The following ITGA2 variants were observed in gnomAD, a reference collection of about 807,000 sequenced individuals.
The protein encoded by ITGA2 is integrin alpha-2.
ITGA2 carries 101 observed loss-of-function variants against 146.3 expected under a neutral mutation model. The observed-to-expected ratio is 0.69, with a 90% confidence interval of 0.59 to 0.81. The LOEUF is 0.81. Ranked by LOEUF, ITGA2 falls within the 40% of genes least tolerant of loss-of-function variation. The pLI is 0.00. For missense variants in ITGA2, 1,281 were observed against 1,402.7 expected (o/e 0.91, Z 1.39); for synonymous variants, 477 against 487.1 (o/e 0.98, Z 0.27).
In ITGA2 at chr5:53,090,532, A is replaced by G; in HGVS notation, c.3479A>G (p.Lys1160Arg). 1 of 1,614,056 alleles carries G rather than the reference A, an allele frequency of 6.2e-7. No individual in the cohort carries two copies. Among genetic ancestry groups the G allele is most frequent in the Non-Finnish European group, 8.5e-7 (1 of 1,179,950 alleles). ...TCACCTTTACAGCTCGGCTTCTTCA[A>G]AAGAAAATATGAAAAGATGACCAAA... Reference protein sequence around the residue: ...VAILWKLGFFKRKYEKMTKNP... With the variant: ...VAILWKLGFFRRKYEKMTKNP... Residue 1160 changes from lysine (K) to arginine (R), a missense_variant, in exon 30 of 30, where the codon AAA becomes AGA. Around this residue, in one of 3 missense-constraint regions of ITGA2, gnomAD observed 475 missense variants for 530.5 expected, o/e 0.90. Transcript: ENST00000296585.
chr5:53,046,338 A>G (rs1744087153), intron 4 of ITGA2, among the ~76,000 whole-genome samples: 1 of 152,088 alleles, frequency 6.6e-6, no homozygotes, highest in Admixed American at 6.6e-5. Context: ...TCAATTTTCA[A>G]CGTCATTCTA....
At chr5:53,086,570 A>T (rs923085483) in intron 27 of ITGA2, among the ~76,000 whole-genome samples, 9 of 152,330 alleles carry the variant, frequency 5.9e-5, no homozygotes, top group Non-Finnish European at 1.3e-4. Context: ...TCATGTCACA[A>T]ACTTATTTTT....
chr5:53,080,037 AG>A (rs1745841956), intron 24 of ITGA2, among the ~76,000 whole-genome samples: 1 of 152,146 alleles, frequency 6.6e-6, no homozygotes, highest in African/African-American at 2.4e-5. Flanking sequence ...AAGCATAGAG[AG>A]GTCAAGTTCC....
At chr5:53,018,654 G>A (rs956740694) in intron 1 of ITGA2, among the ~76,000 whole-genome samples, 3 of 152,058 alleles carry the variant, frequency 2.0e-5, no homozygotes, top group Non-Finnish European at 4.4e-5. Context: ...TCCCGTCTTG[G>A]TATAGTTTTT....
intron 1 of ITGA2, among the ~76,000 whole-genome samples, chr5:52,998,482 CAAAA>C (rs1313952000): frequency 3.3e-5 from 5 of 151,994 alleles, no homozygotes; most frequent in African/African-American, 1.2e-4. Flanking sequence ...AACAAACAAA[CAAAA>C]AAGGCAGAGT....
In ITGA2 at chr5:53,048,839, G is replaced by A; in HGVS notation, c.630+69G>A. 5 of 1,548,800 alleles carry A rather than the reference G, an allele frequency of 3.2e-6. No homozygotes were observed. The Admixed American group carries it at 8.7e-5, about 27-fold the overall frequency. Reference sequence around the variant, plus strand: ...TGAAAAAAATATTGTTAGCTATGAAGTCTTAATTTTTGTATTTGCCAAATC... The same window carrying A: ...TGAAAAAAATATTGTTAGCTATGAAATCTTAATTTTTGTATTTGCCAAATC... On this transcript the variant is annotated intron_variant, in intron 6 of 29. Coordinates refer to ENST00000296585, the MANE Select transcript of ITGA2 (RefSeq NM_002203.4).
rs1310048375 is a variant in ITGA2 at position 53,092,324 on chromosome 5, A to G, written c.*1725A>G. On this transcript the variant is annotated 3_prime_UTR_variant, in exon 30 of 30. Coordinates refer to ENST00000296585, the MANE Select transcript of ITGA2 (RefSeq NM_002203.4). The stretch of plus-strand genomic sequence containing the variant: ...GTCTATGATCTGGACTTCCTATAAT[A>G]CAAATACACAATCCTCCAAGAATTT... The G allele has an allele frequency of 6.6e-6, 1 of 152,132 alleles. No individual in the cohort carries two copies. Among genetic ancestry groups the G allele is most frequent in the Admixed American group, 6.6e-5 (1 of 15,266 alleles). 9.4% of individuals were successfully genotyped at this position (152,132 alleles called of 1,614,324 possible). A position where few individuals can be genotyped will look rare whatever the true frequency, so the allele number is the denominator to read the frequency against.
At chr5:53,026,677 C>A in intron 1 of ITGA2, 71 bp from the exon 2 acceptor site, 1 of 1,398,034 alleles carries the variant, frequency 7.2e-7, no homozygotes, top group Non-Finnish European at 1.0e-6. Flanking sequence ...TAAAAATGGC[C>A]TTTGAGAATT....
At chr5:53,078,660 A>G in intron 23 of ITGA2, 112 bp from the exon 24 acceptor site, 2 of 693,962 alleles carry the variant, frequency 2.9e-6, no homozygotes, top group Non-Finnish European at 5.1e-6. Flanking sequence ...TTTTGTAACT[A>G]AAAGTAAAAT....
chr5:53,051,440 A>C lies in ITGA2; in HGVS notation c.660A>C (p.Pro220=), dbSNP rs1744357744. The C allele has an allele frequency of 1.2e-6, 2 of 1,613,430 alleles. No homozygotes were observed. ...QVGLIQYANN[P]RVVFNLNTYK... is the part of the protein sequence containing the mutation. The stretch of plus-strand genomic sequence containing the variant: ...GGTTAATTCAGTATGCCAATAATCC[A>C]AGAGTTGTGTTTAACTTGAACACAT... The change falls in exon 7 of 30, where the codon CCA becomes CCC. Residue 220 remains proline, a synonymous_variant. Transcript: ENST00000296585.
chr5:53,049,852 G>A (rs1744271196), intron 6 of ITGA2, among the ~76,000 whole-genome samples: 1 of 151,986 alleles, frequency 6.6e-6, no homozygotes, highest in Non-Finnish European at 1.5e-5. Context: ...AATACAAATT[G>A]TTGACATATT....
chr5:53,044,010 C>T (rs1443236948), intron 3 of ITGA2, among the ~76,000 whole-genome samples: 1 of 151,918 alleles, frequency 6.6e-6, no homozygotes, highest in Non-Finnish European at 1.5e-5. Flanking sequence ...CATGGTGTCT[C>T]ACGCCTGTAA....
chr5:53,084,701 G>A (rs1187449270), intron 27 of ITGA2, among the ~76,000 whole-genome samples: 1 of 152,198 alleles, frequency 6.6e-6, no homozygotes, highest in Admixed American at 6.5e-5. Context: ...AGCTGCTGCA[G>A]TGTGGTGCTC....
At chr5:53,006,384 A>G (rs554161446) in intron 1 of ITGA2, among the ~76,000 whole-genome samples, 1 of 152,352 alleles carries the variant, frequency 6.6e-6, no homozygotes, top group African/African-American at 2.4e-5. Context: ...AATTCTAAAT[A>G]GAAAATACAA....
At chr5:53,038,139 A>T (rs769446458) in intron 2 of ITGA2, among the ~76,000 whole-genome samples, 4 of 152,060 alleles carry the variant, frequency 2.6e-5, no homozygotes, top group Non-Finnish European at 5.9e-5. Context: ...AGTTGAGAGA[A>T]AAAAACCAAA....
chr5:53,038,759 G>A (rs1743626533), intron 2 of ITGA2, among the ~76,000 whole-genome samples: 1 of 152,120 alleles, frequency 6.6e-6, no homozygotes, highest in African/African-American at 2.4e-5. Flanking sequence ...GTGTCTCAGT[G>A]ATTCCATCTG....
At chr5:53,052,750 G>A (rs1579857208) in intron 7 of ITGA2, among the ~76,000 whole-genome samples, 1 of 151,964 alleles carries the variant, frequency 6.6e-6, no homozygotes, top group Non-Finnish European at 1.5e-5. Flanking sequence ...CAAACTTCTC[G>A]AACTCCTGCC....
At chr5:53,018,830 G>A (rs1038897833) in intron 1 of ITGA2, among the ~76,000 whole-genome samples, 13 of 152,174 alleles carry the variant, frequency 8.5e-5, no homozygotes, top group African/African-American at 3.1e-4. Flanking sequence ...TTGGGAGGCC[G>A]AGGCACGTGG....
intron 1 of ITGA2, among the ~76,000 whole-genome samples, chr5:53,023,225 T>A (rs1742773501): frequency 6.6e-6 from 1 of 152,206 alleles, no homozygotes; most frequent in Non-Finnish European, 1.5e-5. Flanking sequence ...AATGTATAGA[T>A]TAATGAAGCA....
Sources: allele counts gnomAD v4.1 joint callset (sites outside exome capture counted in the v4.1 genomes callset), GRCh38; gene constraint gnomAD v4.1.1; regional missense constraint gnomAD v4.1.1; transcripts MANE v1.5; gene names NCBI Gene and HGNC (gene_info 2026-07-23, HGNC 2026-07-21).